Variants in CLTC observed in about 807,000 individuals in gnomAD.
CLTC encodes clathrin heavy chain 1.
A neutral mutation model predicts 195.8 loss-of-function variants in CLTC; 16 were observed. The observed-to-expected ratio is 0.08, with a 90% CI of 0.06 to 0.12. The LOEUF (loss-of-function observed/expected upper bound fraction) is 0.12, where lower values mean the gene tolerates loss of function less well. CLTC is among the 10% of genes least tolerant of loss of function. The probability of loss-of-function intolerance (pLI) is 1.00; values close to 1 mark genes in which losing one functional copy is unlikely to be tolerated. For synonymous variants in CLTC, 667 were observed against 689.4 expected, an observed-to-expected ratio of 0.97 and a Z score of 0.51; for missense variants, 796 against 2,027.0, an observed-to-expected ratio of 0.39 and a Z score of 11.66.
intron 1 of CLTC, among the ~76,000 whole-genome samples, chr17:59,641,117 C>A (rs116698176): frequency 3.6e-4 from 52 of 145,400 alleles, no homozygotes; most frequent in South Asian, 4.4e-4. Context: ...GACTCGGTTT[C>A]AAAAAAAAAA....
intron 2 of CLTC, among the ~76,000 whole-genome samples, chr17:59,646,810 C>G (rs1190882923): frequency 3.3e-5 from 5 of 152,160 alleles, no homozygotes; most frequent in Non-Finnish European, 7.3e-5. Flanking sequence ...TCTCCCTCTC[C>G]TTTCCTCCAG....
At chr17:59,684,868 G>A (rs1225141252) in intron 28 of CLTC, among the ~76,000 whole-genome samples, 188 bp from the exon 29 acceptor site, 1 of 151,384 alleles carries the variant, frequency 6.6e-6, no homozygotes, top group African/African-American at 2.4e-5. Context: ...ATAGCCATAT[G>A]TTAGTCCTTG....
At chr17:59,655,708 G>T in intron 5 of CLTC, 146 bp from the exon 6 acceptor site, 1 of 582,716 alleles carries the variant, frequency 1.7e-6, no homozygotes, top group Non-Finnish European at 2.8e-6. Flanking sequence ...TAGAAATGAA[G>T]GAAACTTTAA....
At chr17:59,665,827 C>T (rs889492052) in intron 10 of CLTC, among the ~76,000 whole-genome samples, 1 of 151,614 alleles carries the variant, frequency 6.6e-6, no homozygotes, top group Non-Finnish European at 1.5e-5. Context: ...GCAATAAGAG[C>T]GAAACTCTGC....
rs746790856 is a variant in CLTC, at chr17:59,674,705, ATC to A, written c.2424_2425del (p.Pro809LysfsTer12). On this transcript the variant is annotated frameshift_variant, in exon 16 of 32. Transcript: ENST00000269122. LOFTEE classifies it high-confidence loss of function. ...TCTACTTCTTTTTAACCACAGGTGA[ATC>A]CAAGTCGACTTCCTGTAGTTATTGG... 1 of 1,611,084 alleles carries A rather than the reference ATC, an allele frequency of 6.2e-7. No individual in the cohort carries two copies. Among genetic ancestry groups the A allele is most frequent in the Admixed American group, 1.7e-5 (1 of 59,580 alleles).
At position 59,660,050 on chromosome 17, in the gene CLTC, A is replaced by G. The variant is rs190863952; in HGVS notation, c.970-341A>G. ...ATGTGGAGTTGTCTTTCAGAGCTCAATTAAGTGGGAATGTTAATTTTTGAT... is the reference window on the plus strand; with the variant it reads ...ATGTGGAGTTGTCTTTCAGAGCTCAGTTAAGTGGGAATGTTAATTTTTGAT... On this transcript the variant is annotated intron_variant, in intron 6 of 31. Transcript: ENST00000269122. Among the ~76,000 whole-genome samples the G allele has an allele frequency of 2.8e-4, 42 of 152,278 alleles. No individual in the cohort carries two copies. The East Asian group carries it at 6.6e-3, about 24-fold the overall frequency.
rs1458262195 is a variant in CLTC at position 59,683,526 on chromosome 17, T to C, written c.4181T>C (p.Ile1394Thr). 6.2e-7 allele frequency: 1 copy of C among 1,613,820 alleles called. No homozygotes were observed. Among genetic ancestry groups the C allele is most frequent in the Non-Finnish European group, 8.5e-7 (1 of 1,179,872 alleles). Residue 1394 changes from isoleucine to threonine, a missense_variant, in exon 26 of 32, where the codon ATC (isoleucine) becomes ACC (threonine). By Grantham distance (89) the Ile-to-Thr change is moderately conservative. Transcript: ENST00000269122. The surrounding 1 kb of genome is among the most constrained non-coding windows in gnomAD (Gnocchi z 6.1). ...TGGAAAGAAGGGCAATTCAAAGATA[T>C]CATTACCAAGGTGTGTACTTTCTTC... ...DAWKEGQFKDIITKVANVELY... is the reference protein window; with the variant it reads ...DAWKEGQFKDTITKVANVELY...
intron 1 of CLTC, among the ~76,000 whole-genome samples, chr17:59,626,454 A>G (rs1376764156): frequency 6.6e-6 from 1 of 152,180 alleles, no homozygotes; most frequent in Non-Finnish European, 1.5e-5. Context: ...TTGAAAAAAA[A>G]ACTTAATGAA....
intron 1 of CLTC, among the ~76,000 whole-genome samples, chr17:59,636,129 C>T (rs866719087): frequency 1.5e-4 from 23 of 149,884 alleles, no homozygotes; most frequent in Admixed American, 5.3e-4. Context: ...AGCGAAACTA[C>T]GTCTCAAAAA....
chr17:59,644,243 C>G (rs752201434), intron 1 of CLTC, 33 bp from the exon 2 acceptor site: 1 of 1,583,126 alleles, frequency 6.3e-7, no homozygotes, highest in South Asian at 1.1e-5. Context: ...TTGGAATCCA[C>G]TTGGTAACAT....
chr17:59,671,302 G>A (rs2032842380), intron 14 of CLTC, among the ~76,000 whole-genome samples: 1 of 152,156 alleles, frequency 6.6e-6, no homozygotes, highest in Non-Finnish European at 1.5e-5. Context: ...AGTGTTGAGA[G>A]TGAACTTATT....
intron 1 of CLTC, among the ~76,000 whole-genome samples, chr17:59,622,098 CAA>C (rs1160718287): frequency 6.6e-6 from 1 of 152,174 alleles, no homozygotes; most frequent in Admixed American, 6.5e-5. Flanking sequence ...TTATTAAAGA[CAA>C]ATTTAATACA....
chr17:59,645,186 GATAAAC>G (rs2032158243), intron 2 of CLTC, among the ~76,000 whole-genome samples: 4 of 152,016 alleles, frequency 2.6e-5, no homozygotes, highest in African/African-American at 9.7e-5. Flanking sequence ...TTGTTATGAT[GATAAAC>G]TTGCCTTTGA....
intron 1 of CLTC, among the ~76,000 whole-genome samples, chr17:59,620,392 A>G (rs571521664): frequency 2.0e-5 from 3 of 152,248 alleles, no homozygotes; most frequent in Admixed American, 6.5e-5. Flanking sequence ...AAGAGCTGCA[A>G]GGACCAGGCC....
At chr17:59,627,412 C>T (rs1013226876) in intron 1 of CLTC, among the ~76,000 whole-genome samples, 3 of 152,194 alleles carry the variant, frequency 2.0e-5, no homozygotes, top group Admixed American at 2.0e-4. Context: ...AACTGAAGTT[C>T]ATAGTAGGTA....
intron 18 of CLTC, among the ~76,000 whole-genome samples, chr17:59,679,785 T>G (rs569070672): frequency 1.3e-5 from 2 of 151,996 alleles, no homozygotes; most frequent in East Asian, 3.9e-4. Context: ...TTAAGAAAAA[T>G]AAGCCATGTG....
chr17:59,633,398 C>T (rs145727220), intron 1 of CLTC, among the ~76,000 whole-genome samples: 2,160 of 152,094 alleles, frequency 0.014, 42 homozygotes, highest in African/African-American at 0.049. Context: ...GAGGTTGAGG[C>T]AGGAGAATGG....
chr17:59,620,343 A>T (rs950445455), intron 1 of CLTC, among the ~76,000 whole-genome samples, 170 bp downstream of exon 1: 1 of 151,662 alleles, frequency 6.6e-6, no homozygotes. Flanking sequence ...ATATTAAATG[A>T]TGTGGGGCTT....
At position 59,685,953 on chromosome 17, in the gene CLTC, T is replaced by C; in HGVS notation, c.4827+145T>C. 1 of 629,564 alleles carries C rather than the reference T, an allele frequency of 1.6e-6. No individual in the cohort carries two copies. The highest frequency in any genetic ancestry group is 2.6e-6 in the Non-Finnish European group (1 of 385,940). 39.0% of individuals were successfully genotyped at this position (629,564 alleles called of 1,614,324 possible). A position where few individuals can be genotyped will look rare whatever the true frequency, so the allele number is the denominator to read the frequency against. On this transcript the variant is annotated intron_variant, in intron 30 of 31. Coordinates refer to ENST00000269122, the MANE Select transcript of CLTC (RefSeq NM_004859.4). This position sits in a 1 kb window ranked among gnomAD's most constrained non-coding sequence, Gnocchi z 5.0. The stretch of plus-strand genomic sequence containing the variant: ...AATATTCCTGTTCTTTTGAAATTTT[T>C]TTTTAATAGCTGACAAATGACACTG...
Sources: allele counts gnomAD v4.1 joint callset (sites outside exome capture counted in the v4.1 genomes callset), GRCh38; gene constraint gnomAD v4.1.1; non-coding constraint Gnocchi (gnomAD v3.1); transcripts MANE v1.5; gene names NCBI Gene and HGNC (gene_info 2026-07-23, HGNC 2026-07-21).